The following SSBP3 variants were observed in gnomAD, a reference collection of about 807,000 sequenced individuals.
The protein encoded by SSBP3 is single stranded DNA binding protein 3.
Under a neutral mutation model 69.6 loss-of-function variants are expected in SSBP3, and 5 were observed. The observed-to-expected ratio is 0.07, with a 90% confidence interval of 0.04 to 0.15. SSBP3 has a LOEUF of 0.15. Among genes scored for constraint, SSBP3 ranks in the 10% least tolerant of loss-of-function variants. The pLI is 1.00. For synonymous variants in SSBP3, 196 were observed against 193.4 expected, an observed-to-expected ratio of 1.01 and a Z score of -0.11; for missense variants, 312 against 534.0, an observed-to-expected ratio of 0.58 and a Z score of 4.10.
rs59276509 is a variant in SSBP3 at position 54,396,193 on chromosome 1, G to GAAAAAAAAAAAAAAAAAAA, written c.276+5649_276+5667dup. On this transcript the variant is annotated intron_variant, in intron 4 of 17. Transcript: ENST00000610401. ...GGTGACAGAGTGAGACTCCATCTCA[G>GAAAAAAAAAAAAAAAAAAA]AAAAAAAAAAAAAAAAAAAAAAAAA... Among the ~76,000 whole-genome samples, 25 of 40,572 alleles carry GAAAAAAAAAAAAAAAAAAA rather than the reference G, an allele frequency of 6.2e-4. 1 individual carries two copies. The highest frequency in any genetic ancestry group is 1.7e-3 in the African/African-American group (18 of 10,406). 26.6% of individuals were successfully genotyped at this position (40,572 alleles called of 152,430 possible).
intron 9 of SSBP3, among the ~76,000 whole-genome samples, chr1:54,250,548 G>A (rs1644810208): frequency 6.6e-6 from 1 of 152,176 alleles, no homozygotes; most frequent in South Asian, 2.1e-4. Context: ...GAATGGGGGG[G>A]GGCACTACTC....
chr1:54,368,648 G>C (rs545108511), intron 4 of SSBP3, among the ~76,000 whole-genome samples: 2 of 152,142 alleles, frequency 1.3e-5, no homozygotes, highest in Admixed American at 6.5e-5. Context: ...ATGCACCCTA[G>C]TACACTAGAA....
chr1:54,332,388 G>A (rs1646432822), intron 4 of SSBP3, among the ~76,000 whole-genome samples: 1 of 152,196 alleles, frequency 6.6e-6, no homozygotes, highest in Non-Finnish European at 1.5e-5. Flanking sequence ...AGTGTGGAGA[G>A]GATGATGTGG....
At chr1:54,402,257 G>A (rs1649360128) in intron 3 of SSBP3, among the ~76,000 whole-genome samples, 2 of 152,142 alleles carry the variant, frequency 1.3e-5, no homozygotes, top group African/African-American at 4.8e-5. Context: ...TACACAGGGG[G>A]CAACTGAAGC....
intron 7 of SSBP3, among the ~76,000 whole-genome samples, chr1:54,252,816 T>C (rs688383): frequency 0.62 from 94,982 of 152,150 alleles, 30,741 homozygotes; most frequent in African/African-American, 0.79. Flanking sequence ...TTTATAAATA[T>C]GAGCTTTTGC....
upstream of SSBP3, among the ~76,000 whole-genome samples, chr1:54,410,735 G>T (rs76773399): frequency 6.6e-6 from 1 of 152,140 alleles, no homozygotes; most frequent in African/African-American, 2.4e-5. Context: ...GAGCCTCACC[G>T]TCCTCTCTGT....
At chr1:54,236,087 A>G (rs1208601608) in intron 14 of SSBP3, among the ~76,000 whole-genome samples, 1 of 151,926 alleles carries the variant, frequency 6.6e-6, no homozygotes, top group Non-Finnish European at 1.5e-5. Context: ...AACAGTATAT[A>G]CATTTCTATT....
chr1:54,344,058 G>A (rs1029850835), intron 4 of SSBP3, among the ~76,000 whole-genome samples: 1 of 152,172 alleles, frequency 6.6e-6, no homozygotes, highest in Non-Finnish European at 1.5e-5. Flanking sequence ...AGCACCTGGG[G>A]GTGCGGGGCA....
chr1:54,228,859 C>T lies in SSBP3; in HGVS notation c.928-33G>A, dbSNP rs369883418. 7.5e-6 allele frequency: 12 copies of T among 1,598,768 alleles called. No individual in the cohort carries two copies. In the East Asian group the frequency reaches 1.1e-4, roughly 15 times the overall value. Reference sequence around the variant, plus strand: ...AGAAGCACAGGGCATGGCAGCTCAGCGGGCCCTGGCCCTCTGCACCCCTCA... The same window carrying T: ...AGAAGCACAGGGCATGGCAGCTCAGTGGGCCCTGGCCCTCTGCACCCCTCA... On this transcript the variant is annotated intron_variant, in intron 14 of 17. Coordinates refer to ENST00000610401, the Ensembl canonical transcript of SSBP3.
upstream of SSBP3, among the ~76,000 whole-genome samples, chr1:54,407,373 G>C (rs1649852807): frequency 6.6e-6 from 1 of 152,052 alleles, no homozygotes. Context: ...AAATTGGGGA[G>C]TGAGGGGACG....
chr1:54,328,890 C>T (rs1393433399), intron 4 of SSBP3, among the ~76,000 whole-genome samples: 1 of 152,222 alleles, frequency 6.6e-6, no homozygotes, highest in Non-Finnish European at 1.5e-5. Context: ...CTCCACATGA[C>T]GGTGGAACGG....
chr1:54,345,741 G>A (rs1026572709), intron 4 of SSBP3, among the ~76,000 whole-genome samples: 5 of 151,898 alleles, frequency 3.3e-5, no homozygotes, highest in South Asian at 2.1e-4. Context: ...GAGGCTGGGC[G>A]CGGTGGCTTA....
chr1:54,329,746 C>G (rs1646374732), intron 4 of SSBP3, among the ~76,000 whole-genome samples: 2 of 152,156 alleles, frequency 1.3e-5, no homozygotes. Context: ...AATCTGGATG[C>G]CATGGCAGCA....
In SSBP3 at chr1:54,235,448, A is replaced by ATTTTTTTTTT. The variant is rs71580002; in HGVS notation, c.927+3671_927+3680dup. Among the ~76,000 whole-genome samples the ATTTTTTTTTT allele has an allele frequency of 8.7e-4, 61 of 69,916 alleles. 2 individuals carry two copies. Among genetic ancestry groups the ATTTTTTTTTT allele is most frequent in the African/African-American group, 2.8e-3 (42 of 15,240 alleles). 45.9% of individuals were successfully genotyped at this position (69,916 alleles called of 152,430 possible). ...AGGCGTGTACCACCATGCCCGGCTGATTTTTTTTTTTTTTTTTTTTTTTTT... is the reference window on the plus strand; with the variant it reads ...AGGCGTGTACCACCATGCCCGGCTGATTTTTTTTTTTTTTTTTTTTTTTTTTTTTTTTTTT... On this transcript the variant is annotated intron_variant, in intron 14 of 17. Transcript: ENST00000610401.
chr1:54,393,511 C>T (rs561035544), intron 4 of SSBP3, among the ~76,000 whole-genome samples: 21 of 152,206 alleles, frequency 1.4e-4, no homozygotes, highest in Admixed American at 1.2e-3. Flanking sequence ...CAGCACAGGC[C>T]GGGTGTAGTG....
intron 4 of SSBP3, among the ~76,000 whole-genome samples, chr1:54,369,804 T>C (rs191806561): frequency 2.3e-5 from 3 of 131,660 alleles, no homozygotes; most frequent in Admixed American, 1.6e-4. Context: ...AACGTGACCC[T>C]GTCCCTTTGG....
chr1:54,336,433 G>A (rs1250740719), intron 4 of SSBP3, among the ~76,000 whole-genome samples: 2 of 151,890 alleles, frequency 1.3e-5, no homozygotes, highest in African/African-American at 4.8e-5. Flanking sequence ...TTCAATTCCT[G>A]CCCATTCTCG....
chr1:54,370,621 T>C (rs1647115381), intron 4 of SSBP3, among the ~76,000 whole-genome samples: 1 of 152,154 alleles, frequency 6.6e-6, no homozygotes. Context: ...AACGGGGTAA[T>C]AAGCCTTGTC....
At chr1:54,313,581 T>A (rs1366034532) in intron 4 of SSBP3, among the ~76,000 whole-genome samples, 1 of 151,680 alleles carries the variant, frequency 6.6e-6, no homozygotes, top group African/African-American at 2.4e-5. Flanking sequence ...ACATCAACAG[T>A]CAAGTACTCT....
Sources: allele counts gnomAD v4.1 joint callset (sites outside exome capture counted in the v4.1 genomes callset), GRCh38; gene constraint gnomAD v4.1.1; transcripts MANE v1.5; gene names NCBI Gene and HGNC (gene_info 2026-07-23, HGNC 2026-07-21).